FAT3: variants seen among roughly 807,000 people sequenced by gnomAD.
FAT3 encodes FAT atypical cadherin 3.
In FAT3, 95 loss-of-function variants were observed where a neutral mutation model predicts 310.2. The ratio of observed to expected loss-of-function variants is 0.31; its 90% CI spans 0.26 to 0.36. The LOEUF is 0.36. FAT3 is among the 10% of genes least tolerant of loss of function. The probability of loss-of-function intolerance (pLI) is 1.00; values close to 1 mark genes in which losing one functional copy is unlikely to be tolerated. For missense variants in FAT3, 5,408 were observed against 5,715.6 expected (o/e 0.95, Z 1.74); for synonymous variants, 2,314 against 2,192.9 (o/e 1.06, Z -1.54).
chr11:92,298,384 C>T (rs1359041826), intron 1 of FAT3, among the ~76,000 whole-genome samples: 1 of 152,002 alleles, frequency 6.6e-6, no homozygotes, highest in Admixed American at 6.6e-5. Context: ...CCCATGGGTC[C>T]CATTCCTTTG....
At chr11:92,481,315 A>AT (rs1359922343) in intron 2 of FAT3, among the ~76,000 whole-genome samples, 1 of 109,686 alleles carries the variant, frequency 9.1e-6, no homozygotes, top group Non-Finnish European at 1.8e-5. Flanking sequence ...TATATTATTT[A>AT]TTGGGATGCT....
At chr11:92,695,336 T>G (rs1388972874) in intron 3 of FAT3, among the ~76,000 whole-genome samples, 1 of 152,040 alleles carries the variant, frequency 6.6e-6, no homozygotes, top group East Asian at 1.9e-4. Context: ...ATCCATGTTT[T>G]TTACGTTTCC....
At chr11:92,473,295 A>G (rs1422237001) in intron 2 of FAT3, among the ~76,000 whole-genome samples, 1 of 152,082 alleles carries the variant, frequency 6.6e-6, no homozygotes, top group Admixed American at 6.6e-5. Context: ...TGGAATTAGC[A>G]GTGTTCTCAC....
rs1863836252 is a variant in FAT3 at position 92,224,880 on chromosome 11, C to G, written c.-312C>G. On this transcript the variant is annotated 5_prime_UTR_variant, in exon 1 of 28. Transcript: ENST00000525166. ...AGCCGGCGCTCCTCCCCGCAGGCTG[C>G]GCTGTGAACTGGCCTGCGGATTGGG... Among the ~76,000 whole-genome samples the G allele has an allele frequency of 6.6e-6, 1 of 152,028 alleles. No homozygotes were observed. The highest frequency in any genetic ancestry group is 1.5e-5 in the Non-Finnish European group (1 of 68,000).
chr11:92,478,953 T>TTTCTTTCTTTCTTTCTTTC (rs373667758), intron 2 of FAT3, among the ~76,000 whole-genome samples: 53 of 103,976 alleles, frequency 5.1e-4, no homozygotes, highest in African/African-American at 1.3e-3. Flanking sequence ...TCTTTCTTTC[T>TTTCTTTCTTTCTTTCTTTC]TTTCTTTTCT....
intron 1 of FAT3, among the ~76,000 whole-genome samples, chr11:92,321,361 C>T (rs904482415): frequency 4.0e-5 from 6 of 151,386 alleles, no homozygotes; most frequent in African/African-American, 9.7e-5. Context: ...GGCGTGAACC[C>T]GAGAGGCGGA....
chr11:92,599,584 G>A (rs145506271), intron 3 of FAT3, among the ~76,000 whole-genome samples: 144 of 152,300 alleles, frequency 9.5e-4, no homozygotes, highest in African/African-American at 3.2e-3. Context: ...GACATTCCAA[G>A]CACCAACCCC....
chr11:92,375,596 G>A (rs992511532), intron 2 of FAT3, among the ~76,000 whole-genome samples: 2 of 152,098 alleles, frequency 1.3e-5, no homozygotes, highest in African/African-American at 4.8e-5. Context: ...GTAAACATGG[G>A]TACTATTTTG....
intron 1 of FAT3, among the ~76,000 whole-genome samples, chr11:92,331,001 TGTGAGAGA>T (rs1280686274): frequency 1.8e-3 from 215 of 117,804 alleles, no homozygotes; most frequent in African/African-American, 7.9e-3. Flanking sequence ...TGTGTGTGTG[TGTGAGAGA>T]GAGAGAGAGA....
intron 15 of FAT3, among the ~76,000 whole-genome samples, chr11:92,835,327 A>G (rs982943560): frequency 1.3e-4 from 20 of 152,320 alleles, no homozygotes; most frequent in African/African-American, 4.1e-4. Flanking sequence ...TCCCAGGAGC[A>G]TATCTTTTTT....
Position 92,843,902 on chromosome 11 carries a change from T to C in FAT3, c.10567-32T>C, listed in dbSNP as rs12287359. On this transcript the variant is annotated intron_variant, in intron 18 of 27. Transcript: ENST00000525166. Reference sequence around the variant, plus strand: ...AACTTACTATGATTAGTTTTCTTCCTTTGTTGCCTTTTCACCTCTTGGTTG... The same window carrying C: ...AACTTACTATGATTAGTTTTCTTCCCTTGTTGCCTTTTCACCTCTTGGTTG... The C allele has an allele frequency of 0.01, 15,571 of 1,549,226 alleles. 1,310 individuals are homozygous for C. In the African/African-American group the frequency reaches 0.19, roughly 18 times the overall value.
At chr11:92,890,014 C>A in intron 27 of FAT3, 123 bp downstream of exon 27, 1 of 713,778 alleles carries the variant, frequency 1.4e-6, no homozygotes. Flanking sequence ...GTGTCTCGTG[C>A]GCTCAGTATT....
chr11:92,673,338 C>T (rs1251077585), intron 3 of FAT3, among the ~76,000 whole-genome samples: 4 of 152,216 alleles, frequency 2.6e-5, no homozygotes. Flanking sequence ...CACTAGTGAA[C>T]ATCCACTATA....
intron 1 of FAT3, among the ~76,000 whole-genome samples, chr11:92,305,270 T>G (rs1435351380): frequency 1.3e-5 from 2 of 152,148 alleles, no homozygotes; most frequent in Non-Finnish European, 1.5e-5. Context: ...GTAATTCAAT[T>G]TTCATAGTTG....
At chr11:92,816,425 G>A in intron 13 of FAT3, among the ~76,000 whole-genome samples, 1 of 152,204 alleles carries the variant, frequency 6.6e-6, no homozygotes, top group East Asian at 1.9e-4. Context: ...AGCTGCCTCA[G>A]CCTGGGAGAG....
chr11:92,260,786 C>G (rs1334942095), intron 1 of FAT3, among the ~76,000 whole-genome samples: 1 of 152,110 alleles, frequency 6.6e-6, no homozygotes, highest in Non-Finnish European at 1.5e-5. Flanking sequence ...TAGCCGGCCT[C>G]TCTTTAATAA....
chr11:92,302,432 A>C (rs1472861006), intron 1 of FAT3, among the ~76,000 whole-genome samples: 2 of 151,902 alleles, frequency 1.3e-5, no homozygotes, highest in Non-Finnish European at 1.5e-5. Flanking sequence ...TTCTCATGTT[A>C]AGCTTGCCAT....
chr11:92,392,461 T>C (rs905214838), intron 2 of FAT3, among the ~76,000 whole-genome samples: 5 of 152,166 alleles, frequency 3.3e-5, no homozygotes, highest in African/African-American at 1.2e-4. Flanking sequence ...AGCGCTGCTT[T>C]CTTCCTGGTC....
At chr11:92,542,742 A>G (rs1175017494) in intron 3 of FAT3, among the ~76,000 whole-genome samples, 1 of 152,116 alleles carries the variant, frequency 6.6e-6, no homozygotes, top group Non-Finnish European at 1.5e-5. Flanking sequence ...AATATAAATT[A>G]TTATAGCCAT....
Sources: allele counts gnomAD v4.1 joint callset (sites outside exome capture counted in the v4.1 genomes callset), GRCh38; gene constraint gnomAD v4.1.1; transcripts MANE v1.5; gene names NCBI Gene and HGNC (gene_info 2026-07-23, HGNC 2026-07-21).